NREP: variants seen among roughly 807,000 people sequenced by gnomAD.
NREP encodes the protein neuronal regeneration-related protein.
Under a neutral mutation model 8.6 loss-of-function variants are expected in NREP, and 5 were observed. That is an observed-to-expected ratio of 0.58 (90% confidence interval 0.30 to 1.22). The LOEUF is 1.22. Ranked by LOEUF, NREP falls within the 50% of genes most tolerant of loss-of-function variation. The probability of loss-of-function intolerance (pLI) is 0.07; values close to 1 mark genes in which losing one functional copy is unlikely to be tolerated. For synonymous variants in NREP, 27 were observed against 28.0 expected, an observed-to-expected ratio of 0.96 and a Z score of 0.11; for missense variants, 86 against 82.5, an observed-to-expected ratio of 1.04 and a Z score of -0.17.
chr5:111,745,849 C>G (rs540833247), intron 2 of NREP, among the ~76,000 whole-genome samples: 267 of 152,162 alleles, frequency 1.8e-3, no homozygotes, highest in Non-Finnish European at 3.3e-3. Context: ...TAAATTTAAC[C>G]AGACTCCATC....
At chr5:111,764,153 G>C (rs1340018650) in intron 2 of NREP, among the ~76,000 whole-genome samples, 1 of 152,170 alleles carries the variant, frequency 6.6e-6, no homozygotes, top group Non-Finnish European at 1.5e-5. Flanking sequence ...TCAGAACTTA[G>C]GATTCAATAG....
At chr5:111,882,782 AT>A (rs1402857577) in intron 2 of NREP, among the ~76,000 whole-genome samples, 2 of 152,190 alleles carry the variant, frequency 1.3e-5, no homozygotes, top group Non-Finnish European at 2.9e-5. Context: ...ATGCTGAGAG[AT>A]TTTGTCACCA....
intron 2 of NREP, among the ~76,000 whole-genome samples, chr5:111,849,007 T>A (rs570652290): frequency 6.6e-6 from 1 of 152,154 alleles, no homozygotes; most frequent in African/African-American, 2.4e-5. Flanking sequence ...TGGGTTAACC[T>A]CTGGTGTACA....
At chr5:111,777,081 C>G (rs1011321521) in intron 2 of NREP, among the ~76,000 whole-genome samples, 6 of 151,358 alleles carry the variant, frequency 4.0e-5, no homozygotes, top group Admixed American at 4.0e-4. Context: ...TATATATGTA[C>G]CCATATAAAT....
chr5:111,873,545 G>C (rs1169078110), intron 2 of NREP, among the ~76,000 whole-genome samples: 1 of 152,136 alleles, frequency 6.6e-6, no homozygotes, highest in East Asian at 1.9e-4. Context: ...GTTTCTGGAA[G>C]ATACCTGCAT....
At chr5:111,789,922 G>A (rs1372513857) in intron 2 of NREP, among the ~76,000 whole-genome samples, 1 of 152,012 alleles carries the variant, frequency 6.6e-6, no homozygotes, top group African/African-American at 2.4e-5. Context: ...AAGATTTGTA[G>A]ATTTGACATG....
intron 2 of NREP, among the ~76,000 whole-genome samples, chr5:111,827,275 C>T (rs1000932047): frequency 1.3e-5 from 2 of 152,176 alleles, no homozygotes; most frequent in African/African-American, 4.8e-5. Flanking sequence ...GGGATGCACA[C>T]GTTTGGTTTG....
Position 111,965,796 on chromosome 5 carries a change from G to A in NREP, c.135+9478C>T, listed in dbSNP as rs574321362. On this transcript the variant is annotated intron_variant, in intron 2 of 3. Transcript: ENST00000395634. ...AATTTCTCCAATACCTCATAAATGTGTATGTATTTAAATATTTTGTTTGTA... is the reference window on the plus strand; with the variant it reads ...AATTTCTCCAATACCTCATAAATGTATATGTATTTAAATATTTTGTTTGTA... 2.6e-5 allele frequency among the ~76,000 whole-genome samples: 4 copies of A among 152,236 alleles called. No homozygotes were observed. The East Asian group carries it at 7.7e-4, about 29-fold the overall frequency.
intron 2 of NREP, among the ~76,000 whole-genome samples, chr5:111,859,839 G>C (rs1434119238): frequency 6.6e-6 from 1 of 151,952 alleles, no homozygotes; most frequent in Non-Finnish European, 1.5e-5. Context: ...TTCTTGGGGG[G>C]CAGTAAACAT....
chr5:111,773,945 A>G (rs1276160347), intron 2 of NREP, among the ~76,000 whole-genome samples: 3 of 152,096 alleles, frequency 2.0e-5, no homozygotes, highest in Non-Finnish European at 4.4e-5. Context: ...AGACCCTTCA[A>G]CCTGGGCTCT....
intron 2 of NREP, among the ~76,000 whole-genome samples, chr5:111,767,853 T>C (rs1009434196): frequency 2.0e-5 from 3 of 152,056 alleles, no homozygotes; most frequent in Admixed American, 6.6e-5. Flanking sequence ...TTTTTAAATA[T>C]GGGGTCTCCC....
At chr5:111,937,263 C>A (rs1358017003) in intron 2 of NREP, among the ~76,000 whole-genome samples, 1 of 151,954 alleles carries the variant, frequency 6.6e-6, no homozygotes, top group Non-Finnish European at 1.5e-5. Flanking sequence ...AGTGTAACAC[C>A]CTAGAGTCCA....
intron 2 of NREP, among the ~76,000 whole-genome samples, chr5:111,873,098 A>G (rs1226635550): frequency 2.0e-5 from 3 of 152,130 alleles, no homozygotes; most frequent in Non-Finnish European, 4.4e-5. Flanking sequence ...ACCTACCTCA[A>G]TTGCTGTTGT....
At chr5:111,956,922 C>T (rs1481509962) in intron 2 of NREP, among the ~76,000 whole-genome samples, 1 of 151,722 alleles carries the variant, frequency 6.6e-6, no homozygotes, top group African/African-American at 2.4e-5. Context: ...AGAGATTGCA[C>T]CACTGCACTC....
At chr5:111,853,504 C>A (rs973345676) in intron 2 of NREP, among the ~76,000 whole-genome samples, 4 of 151,922 alleles carry the variant, frequency 2.6e-5, no homozygotes, top group East Asian at 3.9e-4. Flanking sequence ...TATATAAGAA[C>A]CCTCTATGCT....
chr5:111,766,281 C>A (rs1751081341), intron 2 of NREP, among the ~76,000 whole-genome samples: 1 of 152,074 alleles, frequency 6.6e-6, no homozygotes, highest in African/African-American at 2.4e-5. Context: ...ACTGGGAAAA[C>A]CTAAGAGGAT....
At chr5:111,924,458 G>GA (rs34192417) in intron 2 of NREP, among the ~76,000 whole-genome samples, 8,433 of 147,042 alleles carry the variant, frequency 0.057, 265 homozygotes, top group Non-Finnish European at 0.066. Flanking sequence ...AGTGGTATGA[G>GA]AAAAAAAAAA....
chr5:111,964,855 CAAA>C (rs58877839), intron 2 of NREP, among the ~76,000 whole-genome samples: 19 of 44,886 alleles, frequency 4.2e-4, no homozygotes, highest in East Asian at 2.5e-3. Flanking sequence ...CTTTCAGCAG[CAAA>C]AAAAAAAAAA....
At chr5:111,870,367 T>C (rs1421677683) in intron 2 of NREP, among the ~76,000 whole-genome samples, 1 of 152,118 alleles carries the variant, frequency 6.6e-6, no homozygotes, top group Non-Finnish European at 1.5e-5. Flanking sequence ...GAGACAGAGA[T>C]TGCAGTAAGC....
Sources: allele counts gnomAD v4.1 joint callset (sites outside exome capture counted in the v4.1 genomes callset), GRCh38; gene constraint gnomAD v4.1.1; transcripts MANE v1.5; gene names NCBI Gene and HGNC (gene_info 2026-07-23, HGNC 2026-07-21).